The following LUZP2 variants were observed in gnomAD, a reference collection of about 807,000 sequenced individuals.
LUZP2 encodes leucine zipper protein 2.
Under a neutral mutation model 51.6 loss-of-function variants are expected in LUZP2, and 52 were observed. The observed-to-expected ratio is 1.01, with a 90% confidence interval of 0.81 to 1.27. The LOEUF is 1.27. LUZP2 is among the 50% of genes most tolerant of loss of function. LUZP2 has a pLI of 0.00. For synonymous variants in LUZP2, 154 were observed against 137.3 expected, an observed-to-expected ratio of 1.12 and a Z score of -0.85; for missense variants, 436 against 395.4, an observed-to-expected ratio of 1.10 and a Z score of -0.87.
intron 1 of LUZP2, among the ~76,000 whole-genome samples, chr11:24,582,677 T>C (rs1264507908): frequency 3.9e-5 from 6 of 152,304 alleles, no homozygotes; most frequent in African/African-American, 1.4e-4. Context: ...ATGTTTTTTC[T>C]ATGAAATGTG....
At chr11:24,849,305 G>A (rs774848962) in intron 5 of LUZP2, among the ~76,000 whole-genome samples, 1 of 151,882 alleles carries the variant, frequency 6.6e-6, no homozygotes, top group Non-Finnish European at 1.5e-5. Context: ...AACAGGCCCC[G>A]GTGTGTGATG....
chr11:24,975,383 T>A (rs999115737), intron 7 of LUZP2, among the ~76,000 whole-genome samples: 15 of 152,086 alleles, frequency 9.9e-5, no homozygotes, highest in African/African-American at 3.1e-4. Context: ...AACTGGAAGA[T>A]GTAAACAATT....
chr11:24,869,270 G>A (rs1229758516), intron 5 of LUZP2, among the ~76,000 whole-genome samples: 3 of 152,094 alleles, frequency 2.0e-5, no homozygotes, highest in African/African-American at 7.2e-5. Context: ...TACAGATACA[G>A]CCTCGTTTTA....
intron 5 of LUZP2, among the ~76,000 whole-genome samples, chr11:24,860,769 A>C (rs1194510322): frequency 6.6e-6 from 1 of 152,154 alleles, no homozygotes; most frequent in Non-Finnish European, 1.5e-5. Flanking sequence ...CATCAACGAC[A>C]ACAAAAGGCC....
At chr11:24,859,488 C>T (rs765013191) in intron 5 of LUZP2, among the ~76,000 whole-genome samples, 54 of 152,074 alleles carry the variant, frequency 3.6e-4, no homozygotes, top group Non-Finnish European at 5.4e-4. Context: ...ATTGAGTCAA[C>T]GGTTTCTTAG....
intron 5 of LUZP2, among the ~76,000 whole-genome samples, chr11:24,808,525 T>C (rs2134131170): frequency 6.6e-6 from 1 of 152,284 alleles, no homozygotes; most frequent in East Asian, 1.9e-4. Context: ...AATGTTATAT[T>C]CTCCAATATA....
At chr11:24,960,839 A>G (rs548487576) in intron 7 of LUZP2, among the ~76,000 whole-genome samples, 3 of 151,986 alleles carry the variant, frequency 2.0e-5, no homozygotes, top group Non-Finnish European at 4.4e-5. Flanking sequence ...TTGTGATGTT[A>G]GGGTGTCAGT....
chr11:24,998,574 A>G (rs902704598), intron 9 of LUZP2, among the ~76,000 whole-genome samples: 3 of 152,244 alleles, frequency 2.0e-5, no homozygotes, highest in African/African-American at 7.2e-5. Context: ...TCTACAGAAC[A>G]TGATATTCAG....
rs553066237 is a variant in LUZP2 at position 24,702,855 on chromosome 11, T to C, written c.63-26314T>C. Among the ~76,000 whole-genome samples, 4 of 152,338 alleles carry C rather than the reference T, an allele frequency of 2.6e-5. No individual in the cohort carries two copies. The East Asian group carries it at 7.7e-4, about 29-fold the overall frequency. On this transcript the variant is annotated intron_variant, in intron 1 of 11. Coordinates refer to ENST00000336930, the MANE Select transcript of LUZP2 (RefSeq NM_001009909.4). ...AGTATCACCAATTTTGCTATGTTGC[T>C]TGAGTGCAATCAAAGAGAAGGTAAT...
intron 7 of LUZP2, among the ~76,000 whole-genome samples, chr11:24,919,490 T>C (rs1853946686): frequency 7.4e-6 from 1 of 136,006 alleles, no homozygotes; most frequent in African/African-American, 2.7e-5. Flanking sequence ...ATATAATATA[T>C]ATTCTTTATA....
At chr11:24,841,778 T>A (rs2134201664) in intron 5 of LUZP2, among the ~76,000 whole-genome samples, 1 of 152,202 alleles carries the variant, frequency 6.6e-6, no homozygotes, top group East Asian at 1.9e-4. Flanking sequence ...GTTGCTAAAT[T>A]TAACTCCCTG....
intron 5 of LUZP2, among the ~76,000 whole-genome samples, chr11:24,854,315 T>C (rs1461192978): frequency 6.6e-6 from 1 of 152,234 alleles, no homozygotes; most frequent in Non-Finnish European, 1.5e-5. Context: ...AGTGATGCCC[T>C]GGCCCAGAGA....
intron 1 of LUZP2, among the ~76,000 whole-genome samples, chr11:24,591,021 A>G (rs527481024): frequency 6.6e-6 from 1 of 152,332 alleles, no homozygotes; most frequent in Non-Finnish European, 1.5e-5. Flanking sequence ...GAGGAGGCAG[A>G]TCACTTGAAC....
rs536207311 is a variant in LUZP2, at chr11:24,765,417, G to A, written c.396+2109G>A. 2.0e-5 allele frequency among the ~76,000 whole-genome samples: 3 copies of A among 152,110 alleles called. No homozygotes were observed. In the South Asian group the frequency reaches 6.2e-4, roughly 32 times the overall value. ...GGGAATTAGGGAAGTGCCAAAAGAT[G>A]AAGGCTAAGTCCCTCCTATGCCTAT... is the stretch of plus-strand genomic sequence containing the variant. On this transcript the variant is annotated intron_variant, in intron 5 of 11. Transcript: ENST00000336930.
At chr11:24,907,299 C>CAAAAAAAAA (rs71044324) in intron 6 of LUZP2, among the ~76,000 whole-genome samples, 1 of 103,802 alleles carries the variant, frequency 9.6e-6, no homozygotes, top group East Asian at 2.5e-4. Flanking sequence ...AACACAAATA[C>CAAAAAAAAA]AAAAAAAAAA....
chr11:24,684,412 T>A (rs1193274456), intron 1 of LUZP2, among the ~76,000 whole-genome samples: 3 of 152,210 alleles, frequency 2.0e-5, no homozygotes, highest in African/African-American at 7.2e-5. Flanking sequence ...AGCTCTTTCA[T>A]GGATGTGCAT....
chr11:24,599,813 G>T (rs1428267238), intron 1 of LUZP2, among the ~76,000 whole-genome samples: 1 of 152,030 alleles, frequency 6.6e-6, no homozygotes, highest in Non-Finnish European at 1.5e-5. Flanking sequence ...AATTTGAAAA[G>T]TACGTAAAAA....
At chr11:24,548,961 T>C (rs998832821) in intron 1 of LUZP2, among the ~76,000 whole-genome samples, 13 of 152,098 alleles carry the variant, frequency 8.5e-5, no homozygotes, top group African/African-American at 3.1e-4. Flanking sequence ...TAATGTATAC[T>C]GCTATAGACT....
rs762256406 is a variant in LUZP2, at chr11:24,914,507, T to C, written c.491T>C (p.Leu164Pro). Residue 164 changes from leucine to proline, a missense_variant, in exon 7 of 12, where the codon CTT (leucine) becomes CCT (proline). Coordinates refer to ENST00000336930, the MANE Select transcript of LUZP2 (RefSeq NM_001009909.4). ...SKKIQAQLKE[L>P]RYGKKDLLFK... is the part of the protein sequence containing the mutation. ...AAAATCCAAGCCCAGCTGAAGGAGCTTCGTTATGGGAAGAAGGATTTATTA... is the reference window on the plus strand; with the variant it reads ...AAAATCCAAGCCCAGCTGAAGGAGCCTCGTTATGGGAAGAAGGATTTATTA... The C allele has an allele frequency of 6.2e-7, 1 of 1,609,838 alleles. No homozygotes were observed. The highest frequency in any genetic ancestry group is 2.2e-5 in the East Asian group (1 of 44,642).
Sources: allele counts gnomAD v4.1 joint callset (sites outside exome capture counted in the v4.1 genomes callset), GRCh38; gene constraint gnomAD v4.1.1; transcripts MANE v1.5; gene names NCBI Gene and HGNC (gene_info 2026-07-23, HGNC 2026-07-21).